The following PRAMEF11 variants were observed in gnomAD, a reference collection of about 807,000 sequenced individuals.
The protein encoded by PRAMEF11 is PRAME family member 11.
PRAMEF11 carries 17 observed loss-of-function variants against 33.6 expected under a neutral mutation model. That is an observed-to-expected ratio of 0.51 (90% CI 0.35 to 0.76). The LOEUF (loss-of-function observed/expected upper bound fraction) is 0.76, where lower values mean the gene tolerates loss of function less well. Ranked by LOEUF, PRAMEF11 falls within the 30% of genes least tolerant of loss-of-function variation. PRAMEF11 has a pLI of 0.01. For missense variants in PRAMEF11, 568 were observed against 567.0 expected, an observed-to-expected ratio of 1.00 and a Z score of -0.02; for synonymous variants, 205 against 227.3, an observed-to-expected ratio of 0.90 and a Z score of 0.88.
In PRAMEF11 at chr1:12,831,338, C is replaced by T. The variant is rs111533116; in HGVS notation, c.-17+18G>A. On this transcript the variant is annotated intron_variant, in intron 1 of 3. Coordinates refer to ENST00000619922, the MANE Select transcript of PRAMEF11 (RefSeq NM_001146344.3). ...TGTAGGTCAGATGGGAGTGTCCTTA[C>T]AGAAATTAGTGACTTACCAGATCTG... The T allele has an allele frequency of 1.3e-5, 2 of 151,048 alleles. No individual in the cohort carries two copies. The highest frequency in any genetic ancestry group is 4.9e-5 in the African/African-American group (2 of 41,194). The allele number at this position is 151,048 out of a possible 1,614,324, so 9.4% of individuals were successfully genotyped here. A position where few individuals can be genotyped will look rare whatever the true frequency, so the allele number is the denominator to read the frequency against.
At chr1:12,827,048 C>T (rs1378794234) in intron 3 of PRAMEF11, among the ~76,000 whole-genome samples, 1 of 151,208 alleles carries the variant, frequency 6.6e-6, no homozygotes, top group Non-Finnish European at 1.5e-5. Flanking sequence ...AGCATCTCCC[C>T]TGACTGATCC....
At position 12,828,671 on chromosome 1, in the gene PRAMEF11, G is replaced by A. The variant is rs758708685; in HGVS notation, c.119C>T (p.Pro40Leu). The stretch of plus-strand genomic sequence containing the variant: ...CCTGCTGAAGGCCTCCATGAACAGT[G>A]GGGGGAAAAGTTCCGTGGGCAGCTC... Reference protein sequence around the residue: ...LEELPTELFPPLFMEAFSRRR... With the variant: ...LEELPTELFPLLFMEAFSRRR... The change falls in exon 2 of 4, where the codon CCA becomes CTA. Residue 40 changes from proline to leucine, a missense_variant. By Grantham distance (98) the Pro-to-Leu change is moderately conservative. Transcript: ENST00000619922. 4 of 1,610,282 alleles carry A rather than the reference G, an allele frequency of 2.5e-6. No homozygotes were observed. The highest frequency in any genetic ancestry group is 3.4e-6 in the Non-Finnish European group (4 of 1,178,020).
chr1:12,828,372 T>G, intron 2 of PRAMEF11, 125 bp downstream of exon 2: 3 of 1,427,972 alleles, frequency 2.1e-6, no homozygotes, highest in Non-Finnish European at 2.9e-6. Flanking sequence ...AGCTGGTGAA[T>G]GGCCAAGTCC....
chr1:12,830,472 GGAT>G (rs1280816983), intron 1 of PRAMEF11, among the ~76,000 whole-genome samples: 4 of 151,346 alleles, frequency 2.6e-5, no homozygotes, highest in African/African-American at 9.7e-5. Context: ...GGGTGGAAGA[GGAT>G]GTGATTGGTT....
rs1553160540 is a variant in PRAMEF11 at position 12,825,969 on chromosome 1, A to AT, written c.876-467dup. 7.2e-4 allele frequency among the ~76,000 whole-genome samples: 88 copies of AT among 122,952 alleles called. 1 individual carries two copies. Among genetic ancestry groups the AT allele is most frequent in the African/African-American group, 2.5e-3 (77 of 31,242 alleles). The allele number at this position is 122,952 out of a possible 152,430, so 80.7% of individuals were successfully genotyped here. ...AGCCTGGGTGACAGAGTGATACTCT[A>AT]TTAAAAAAAAAAAAAGGAGAAAAAA... On this transcript the variant is annotated intron_variant, in intron 3 of 3. Transcript: ENST00000619922.
intron 1 of PRAMEF11, among the ~76,000 whole-genome samples, chr1:12,831,117 G>A (rs943670857): frequency 6.6e-6 from 1 of 151,076 alleles, no homozygotes; most frequent in Non-Finnish European, 1.5e-5. Flanking sequence ...TGGGGTTAAA[G>A]GCATGAGTCA....
chr1:12,827,208 T>G (rs749548465), intron 3 of PRAMEF11, 41 bp downstream of exon 3: 3 of 1,508,544 alleles, frequency 2.0e-6, no homozygotes, highest in African/African-American at 2.8e-5. Context: ...TGTAACAGGC[T>G]CTGCTGTGGT....
In PRAMEF11 at chr1:12,829,404, C is replaced by G. The variant is rs932670302; in HGVS notation, c.-16-599G>C. Reference sequence around the variant, plus strand: ...TCATTCTCTCTCTCTTTCTCTCTCTCCCTCTCTCACTCTCTTTCTGACAGG... The same window carrying G: ...TCATTCTCTCTCTCTTTCTCTCTCTGCCTCTCTCACTCTCTTTCTGACAGG... On this transcript the variant is annotated intron_variant, in intron 1 of 3. Transcript: ENST00000619922. 8.7e-5 allele frequency among the ~76,000 whole-genome samples: 13 copies of G among 149,986 alleles called. 2 individuals are homozygous for G. Among genetic ancestry groups the G allele is most frequent in the Admixed American group, 8.0e-4 (12 of 14,918 alleles).
Position 12,825,053 on chromosome 1 carries a change from C to T in PRAMEF11, c.1326G>A (p.Lys442=). The T allele has an allele frequency of 6.2e-7, 1 of 1,606,596 alleles. No individual in the cohort carries two copies. The highest frequency in any genetic ancestry group is 1.7e-5 in the Admixed American group (1 of 59,568). ...RFAQIRAELM[K]KVRHLRHPKR... ...TGGGGTGCCTTAAGTGCCTCACTTT[C>T]TTCATCAGCTCAGCCCTAATTTGAG... is the stretch of plus-strand genomic sequence containing the variant. Residue 442 remains lysine (K), a synonymous_variant, in exon 4 of 4, where the codon AAG becomes AAA. Coordinates refer to ENST00000619922, the MANE Select transcript of PRAMEF11 (RefSeq NM_001146344.3).
intron 3 of PRAMEF11, among the ~76,000 whole-genome samples, chr1:12,825,888 C>G (rs1219127147): frequency 6.7e-6 from 1 of 150,166 alleles, no homozygotes; most frequent in Non-Finnish European, 1.5e-5. Flanking sequence ...GCAGAAGAAT[C>G]GCTTGAACCC....
In PRAMEF11 at chr1:12,825,341, G is replaced by T; in HGVS notation, c.1038C>A (p.Leu346=). ...TNYSLVPLQI[L]LEKVAATLEY... is the part of the protein sequence containing the mutation. ...CAAGGGTGGCTGCAACTTTTTCTAG[G>T]AGAATTTGGAGAGGCACAAGACTGT... Residue 346 remains leucine, a synonymous_variant, in exon 4 of 4, where the codon CTC becomes CTA. Transcript: ENST00000619922. The T allele has an allele frequency of 1.9e-6, 3 of 1,561,764 alleles. No individual in the cohort carries two copies. The highest frequency in any genetic ancestry group is 2.6e-6 in the Non-Finnish European group (3 of 1,146,572).
At chr1:12,828,335 G>T (rs1285366806) in intron 2 of PRAMEF11, among the ~76,000 whole-genome samples, 162 bp downstream of exon 2, 6 of 148,706 alleles carry the variant, frequency 4.0e-5, no homozygotes, top group African/African-American at 1.5e-4. Context: ...TATGGACCTT[G>T]CCTGGTGAGC....
chr1:12,828,452 T>C (rs567777468), intron 2 of PRAMEF11, 45 bp downstream of exon 2: 3 of 1,570,272 alleles, frequency 1.9e-6, no homozygotes, highest in East Asian at 2.3e-5. Flanking sequence ...GTTCCTTCAG[T>C]TGGACACCTG....
rs1639885965 is a variant in PRAMEF11, at chr1:12,827,146, C to T, written c.875+103G>A. The T allele has an allele frequency of 2.5e-6, 4 of 1,574,612 alleles. No individual in the cohort carries two copies. The South Asian group carries it at 3.4e-5, about 13-fold the overall frequency. ...TGCATGGACATTCTAGTGTCCCCTT[C>T]ACTGTTACATCCTCATAGGCTGGCT... is the stretch of plus-strand genomic sequence containing the variant. On this transcript the variant is annotated intron_variant, in intron 3 of 3. Coordinates refer to ENST00000619922, the MANE Select transcript of PRAMEF11 (RefSeq NM_001146344.3).
In PRAMEF11 at chr1:12,828,642, G is replaced by T. The variant is rs770702081; in HGVS notation, c.148C>A (p.Arg50Ser). ...ACCATCAGCTTCAGGGCCTCACAGC[G>T]TCTCCTGCTGAAGGCCTCCATGAAC... ...PLFMEAFSRR[R>S]CEALKLMVQA... The change falls in exon 2 of 4, where the codon CGC (arginine) becomes AGC (serine). Residue 50 changes from arginine to serine, a missense_variant. Transcript: ENST00000619922. The T allele has an allele frequency of 5.6e-6, 9 of 1,610,294 alleles. No individual in the cohort carries two copies. Among genetic ancestry groups the T allele is most frequent in the Non-Finnish European group, 7.6e-6 (9 of 1,178,050 alleles).
rs763599331 is a variant in PRAMEF11, at chr1:12,825,257, A to G, written c.1122T>C (p.Pro374=). ...TGAGCTCAAAGCAGCGGCTCAGGGCAGGCAGGATGGCGTTGACTTGGGAGT... is the reference window on the plus strand; with the variant it reads ...TGAGCTCAAAGCAGCGGCTCAGGGCGGGCAGGATGGCGTTGACTTGGGAGT... ...IIDSQVNAIL[P]ALSRCFELNT... The change falls in exon 4 of 4, where the codon CCT becomes CCC. Residue 374 remains proline (P), a synonymous_variant. Transcript: ENST00000619922. The G allele has an allele frequency of 6.2e-7, 1 of 1,606,356 alleles. No homozygotes were observed. The highest frequency in any genetic ancestry group is 8.5e-7 in the Non-Finnish European group (1 of 1,177,180).
rs755470335 is a variant in PRAMEF11, at chr1:12,825,023, C to A, written c.1356G>T (p.Arg452Ser). Reference protein sequence around the residue: ...KKVRHLRHPKRILFCTDNCPD... With the variant: ...KKVRHLRHPKSILFCTDNCPD... ...GGCAGTTGTCAGTACAGAACAAGAT[C>A]CTCTTGGGGTGCCTTAAGTGCCTCA... Residue 452 changes from arginine to serine, a missense_variant, in exon 4 of 4, where the codon AGG (arginine) becomes AGT (serine). Arg to Ser is a moderately radical substitution (Grantham distance 110, BLOSUM62 -1). Around this residue, in one of 3 missense-constraint regions of PRAMEF11, gnomAD observed 174 missense variants for 127.2 expected, o/e 1.37. Transcript: ENST00000619922. 9 of 1,609,656 alleles carry A rather than the reference C, an allele frequency of 5.6e-6. No individual in the cohort carries two copies. The highest frequency in any genetic ancestry group is 5.5e-5 in the South Asian group (5 of 90,478).
chr1:12,827,402 A>G lies in PRAMEF11; in HGVS notation c.722T>C (p.Leu241Pro). The G allele has an allele frequency of 6.2e-7, 1 of 1,605,756 alleles. No individual in the cohort carries two copies. Among genetic ancestry groups the G allele is most frequent in the Non-Finnish European group, 8.5e-7 (1 of 1,177,942 alleles). The change falls in exon 3 of 4, where the codon CTC (leucine) becomes CCC (proline). Residue 241 changes from leucine (L) to proline (P), a missense_variant. By Grantham distance (98) the Leu-to-Pro change is moderately conservative. Transcript: ENST00000619922. ...GHLRNLQKLV[L>P]SHMDVSRYVS... ...GTAGCGAGAGACATCCATGTGGGAG[A>G]GAACGAGCTTCTGAAGATTCCTCAA...
chr1:12,826,385 G>A (rs1168042658), intron 3 of PRAMEF11, among the ~76,000 whole-genome samples: 1 of 148,242 alleles, frequency 6.7e-6, no homozygotes, highest in African/African-American at 2.4e-5. Flanking sequence ...GCACAAAGCT[G>A]ATTTTCTGAC....
Sources: gnomAD v4.1 joint callset for allele counts (sites outside exome capture counted in the v4.1 genomes callset) on GRCh38, gnomAD v4.1.1 for gene constraint, gnomAD v4.1.1 regional missense constraint, MANE v1.5 for transcripts, NCBI Gene and HGNC (gene_info 2026-07-23, HGNC 2026-07-21) for gene names.